CA10: variants seen among roughly 807,000 people sequenced by gnomAD.
CA10 encodes the protein carbonic anhydrase 10 (inactive), also known as carbonic anhydrase-related protein 10.
CA10 carries 14 observed loss-of-function variants against 44.2 expected under a neutral mutation model. That is an observed-to-expected ratio of 0.32 (90% CI 0.21 to 0.50). The LOEUF (loss-of-function observed/expected upper bound fraction) is 0.50. CA10 is among the 20% of genes least tolerant of loss of function. CA10 has a pLI of 0.99. For missense variants in CA10, 350 were observed against 409.7 expected (o/e 0.85, Z 1.26); for synonymous variants, 159 against 141.6 (o/e 1.12, Z -0.87).
chr17:51,756,314 G>T, intron 3 of CA10, among the ~76,000 whole-genome samples: 1 of 152,104 alleles, frequency 6.6e-6, no homozygotes, highest in Non-Finnish European at 1.5e-5. Flanking sequence ...GAAGCTCAAA[G>T]GGGTTAAAGG....
chr17:51,730,633 G>T (rs553868337), intron 4 of CA10, among the ~76,000 whole-genome samples: 7 of 152,164 alleles, frequency 4.6e-5, no homozygotes, highest in African/African-American at 1.7e-4. Context: ...ATACATGCCA[G>T]TATGAAAAAA....
At chr17:51,956,318 A>T (rs1983663858) in intron 2 of CA10, among the ~76,000 whole-genome samples, 1 of 152,116 alleles carries the variant, frequency 6.6e-6, no homozygotes, top group African/African-American at 2.4e-5. Context: ...TTATATATTC[A>T]CTACACATGT....
At chr17:52,059,699 A>AG (rs1987329102) in intron 2 of CA10, among the ~76,000 whole-genome samples, 2 of 152,016 alleles carry the variant, frequency 1.3e-5, no homozygotes, top group Admixed American at 6.6e-5. Flanking sequence ...AGAAAAAAAA[A>AG]AAAGAAAACT....
At chr17:52,117,409 G>C (rs946240872) in intron 1 of CA10, among the ~76,000 whole-genome samples, 1 of 152,092 alleles carries the variant, frequency 6.6e-6, no homozygotes, top group African/African-American at 2.4e-5. Flanking sequence ...GCTCTTAAAG[G>C]GCTCCATCCT....
chr17:52,113,217 G>A (rs1223780309), intron 1 of CA10, among the ~76,000 whole-genome samples: 2 of 152,178 alleles, frequency 1.3e-5, no homozygotes, highest in African/African-American at 2.4e-5. Context: ...GATGAACAGA[G>A]GGCCCAGCCT....
At chr17:51,939,149 T>TTTTCTAAAA (rs1982980509) in intron 2 of CA10, among the ~76,000 whole-genome samples, 1 of 152,100 alleles carries the variant, frequency 6.6e-6, no homozygotes, top group African/African-American at 2.4e-5. Flanking sequence ...TATATATATT[T>TTTTCTAAAA]GAGAGGTTCT....
intron 2 of CA10, among the ~76,000 whole-genome samples, chr17:52,060,795 A>T (rs1987362500): frequency 6.6e-6 from 1 of 152,202 alleles, no homozygotes; most frequent in African/African-American, 2.4e-5. Context: ...AAATTTATAC[A>T]TATTTGTAGT....
intron 3 of CA10, among the ~76,000 whole-genome samples, chr17:51,834,952 C>T (rs999378592): frequency 6.6e-6 from 1 of 152,100 alleles, no homozygotes; most frequent in African/African-American, 2.4e-5. Flanking sequence ...CAACGGTTCC[C>T]AGGAGCTGAG....
intron 1 of CA10, among the ~76,000 whole-genome samples, chr17:52,103,764 C>T (rs2970014): frequency 0.35 from 53,252 of 152,156 alleles, 11,492 homozygotes; most frequent in Non-Finnish European, 0.49. Context: ...CCAAGGCTCT[C>T]ATTTGTTTCA....
intron 4 of CA10, among the ~76,000 whole-genome samples, chr17:51,697,632 G>A (rs941982437): frequency 2.6e-5 from 4 of 152,194 alleles, no homozygotes; most frequent in African/African-American, 7.2e-5. Flanking sequence ...ATCTCCAACT[G>A]CTAGAATGTA....
At chr17:52,130,295 A>G (rs1280099147) in intron 1 of CA10, among the ~76,000 whole-genome samples, 5 of 152,190 alleles carry the variant, frequency 3.3e-5, no homozygotes, top group African/African-American at 1.2e-4. Context: ...CAGCAATCCC[A>G]CTTCTAGGTG....
chr17:52,090,969 C>T (rs1988243105), intron 1 of CA10, among the ~76,000 whole-genome samples: 1 of 152,000 alleles, frequency 6.6e-6, no homozygotes, highest in Non-Finnish European at 1.5e-5. Context: ...TTTTAGTAAA[C>T]TTACAAATAA....
chr17:51,646,067 C>A (rs963914381), intron 6 of CA10, among the ~76,000 whole-genome samples: 1 of 152,226 alleles, frequency 6.6e-6, no homozygotes, highest in Non-Finnish European at 1.5e-5. Context: ...TAGCTGGAAG[C>A]AGAGCCACCC....
chr17:51,641,637 C>T (rs940238931), intron 6 of CA10, among the ~76,000 whole-genome samples: 1 of 152,088 alleles, frequency 6.6e-6, no homozygotes, highest in African/African-American at 2.4e-5. Context: ...TTGACATGTT[C>T]TTGATGAACC....
intron 4 of CA10, among the ~76,000 whole-genome samples, chr17:51,696,305 T>G (rs1597991609): frequency 6.6e-6 from 1 of 152,154 alleles, no homozygotes; most frequent in Non-Finnish European, 1.5e-5. Flanking sequence ...TTGGCCTTTT[T>G]TTGGTTATAG....
At chr17:51,992,350 C>G (rs755377194) in intron 2 of CA10, among the ~76,000 whole-genome samples, 3 of 152,054 alleles carry the variant, frequency 2.0e-5, no homozygotes, top group Non-Finnish European at 4.4e-5. Flanking sequence ...CACTCTTGAC[C>G]TTATTATTTT....
chr17:52,072,460 G>A, intron 1 of CA10, 67 bp from the exon 2 acceptor site: 1 of 1,146,954 alleles, frequency 8.7e-7, no homozygotes. Context: ...GGCTGTCCGA[G>A]TAAGAAGGGT....
At chr17:51,940,679 CA>C (rs11350422) in intron 2 of CA10, among the ~76,000 whole-genome samples, 62,065 of 136,872 alleles carry the variant, frequency 0.45, 13,566 homozygotes, top group East Asian at 0.74. Context: ...TCAAGATAAA[CA>C]AAAAAAAAAA....
At chr17:51,672,726 G>A (rs1914472601) in intron 4 of CA10, among the ~76,000 whole-genome samples, 1 of 152,164 alleles carries the variant, frequency 6.6e-6, no homozygotes, top group African/African-American at 2.4e-5. Context: ...CTCAGAAAGG[G>A]CTTCAGAAAT....
Sources: allele counts gnomAD v4.1 joint callset (sites outside exome capture counted in the v4.1 genomes callset), GRCh38; gene constraint gnomAD v4.1.1; transcripts MANE v1.5; gene names NCBI Gene and HGNC (gene_info 2026-07-23, HGNC 2026-07-21).